The following HDAC9 variants were observed in gnomAD, a reference collection of about 807,000 sequenced individuals.
HDAC9 encodes MEF-2 interacting transcription repressor (MITR) protein.
HDAC9 carries 41 observed loss-of-function variants against 139.4 expected under a neutral mutation model. The ratio of observed to expected loss-of-function variants is 0.29; its 90% CI spans 0.23 to 0.38. The LOEUF (loss-of-function observed/expected upper bound fraction) is 0.38. Ranked by LOEUF, HDAC9 falls within the 10% of genes least tolerant of loss-of-function variation. HDAC9 has a pLI of 1.00. For synonymous variants in HDAC9, 517 were observed against 476.2 expected, an observed-to-expected ratio of 1.09 and a Z score of -1.12; for missense variants, 1,147 against 1,297.0, an observed-to-expected ratio of 0.88 and a Z score of 1.78.
intron 21 of HDAC9, among the ~76,000 whole-genome samples, chr7:18,874,234 G>GTT (rs35536284): frequency 1.6e-3 from 230 of 143,546 alleles, no homozygotes; most frequent in Admixed American, 1.3e-3. Context: ...CTGCAAAGCA[G>GTT]TTTTTTTTTT....
rs530256730 is a variant in HDAC9 at position 18,276,466 on chromosome 7, A to G, written c.25+114117A>G. Among the ~76,000 whole-genome samples the G allele has an allele frequency of 1.6e-3, 247 of 152,280 alleles. 3 individuals are homozygous for G. The highest frequency in any genetic ancestry group is 5.8e-3 in the African/African-American group (240 of 41,546). ...GTGTCAGCTTCTTGATATTATTTTAACACATCTTTCTGTAATTGTTTTTTA... is the reference window on the plus strand; with the variant it reads ...GTGTCAGCTTCTTGATATTATTTTAGCACATCTTTCTGTAATTGTTTTTTA... On this transcript the variant is annotated intron_variant, in intron 2 of 12. Coordinates refer to the HDAC9 transcript ENST00000417496.
At chr7:18,887,888 T>A (rs1380345537) in intron 22 of HDAC9, among the ~76,000 whole-genome samples, 6 of 152,178 alleles carry the variant, frequency 3.9e-5, no homozygotes, top group Non-Finnish European at 8.8e-5. Context: ...CCAAGATTTG[T>A]GGCCACAGAG....
intron 1 of HDAC9, among the ~76,000 whole-genome samples, chr7:18,318,401 AAATGG>A (rs2128632639): frequency 6.6e-6 from 1 of 152,364 alleles, no homozygotes; most frequent in South Asian, 2.1e-4. Flanking sequence ...TTTCAATAAC[AAATGG>A]AATGCAGATG....
intron 1 of HDAC9, among the ~76,000 whole-genome samples, chr7:18,471,603 G>A (rs1397812972): frequency 6.6e-6 from 1 of 152,172 alleles, no homozygotes; most frequent in Non-Finnish European, 1.5e-5. Context: ...AGTATCAGGG[G>A]CCTGCTGAAC....
intron 6 of HDAC9, among the ~76,000 whole-genome samples, chr7:18,618,314 T>C (rs562860481): frequency 3.3e-5 from 5 of 152,250 alleles, no homozygotes; most frequent in African/African-American, 4.8e-5. Context: ...TCAGATGTTA[T>C]GGTGGTAGAG....
intron 2 of HDAC9, among the ~76,000 whole-genome samples, chr7:18,518,469 A>G (rs1803934666): frequency 6.6e-6 from 1 of 152,200 alleles, no homozygotes; most frequent in Non-Finnish European, 1.5e-5. Flanking sequence ...AATTTTAGAA[A>G]GAGTGATAAC....
rs554583190 is a variant in HDAC9, at chr7:18,497,475, A to T, written c.22+1151A>T. Among the ~76,000 whole-genome samples, 6 of 152,256 alleles carry T rather than the reference A, an allele frequency of 3.9e-5. No individual in the cohort carries two copies. The South Asian group carries it at 1.0e-3, about 26-fold the overall frequency. On this transcript the variant is annotated intron_variant, in intron 2 of 25. Coordinates refer to ENST00000686413, the MANE Select transcript of HDAC9 (RefSeq NM_178425.4). ...CTTGGTTAGTTATGTTAATTTTAAG[A>T]TCCTTCTGTTGACCCAATCTTTTCA...
At chr7:18,573,904 TCC>T (rs1825129234) in intron 2 of HDAC9, among the ~76,000 whole-genome samples, 1 of 152,128 alleles carries the variant, frequency 6.6e-6, no homozygotes, top group Non-Finnish European at 1.5e-5. Flanking sequence ...ACAGCTCTTC[TCC>T]CCTTCTCATC....
At chr7:18,782,494 A>C (rs1397731844) in intron 16 of HDAC9, among the ~76,000 whole-genome samples, 2 of 152,014 alleles carry the variant, frequency 1.3e-5, no homozygotes, top group African/African-American at 4.8e-5. Flanking sequence ...TTCAGATTCC[A>C]ATGATTGAGC....
At chr7:18,214,329 A>C (rs2128170658) in intron 2 of HDAC9, among the ~76,000 whole-genome samples, 1 of 152,182 alleles carries the variant, frequency 6.6e-6, no homozygotes, top group African/African-American at 2.4e-5. Flanking sequence ...AGCTATGAAA[A>C]TTGGCATTTG....
chr7:18,818,874 T>C (rs2129197192), intron 17 of HDAC9, among the ~76,000 whole-genome samples: 1 of 152,302 alleles, frequency 6.6e-6, no homozygotes, highest in Non-Finnish European at 1.5e-5. Flanking sequence ...CTGTTGCCCA[T>C]GGGACAATCT....
At chr7:18,284,471 C>G (rs113849796) in intron 2 of HDAC9, among the ~76,000 whole-genome samples, 2 of 152,210 alleles carry the variant, frequency 1.3e-5, no homozygotes, top group South Asian at 2.1e-4. Flanking sequence ...ATTTCATCTT[C>G]CACCAAAGTA....
intron 2 of HDAC9, among the ~76,000 whole-genome samples, chr7:18,545,447 C>T (rs904341355): frequency 1.3e-5 from 2 of 151,872 alleles, no homozygotes; most frequent in Admixed American, 6.6e-5. Context: ...GTTTTTAGGA[C>T]GTAAATAGTT....
intron 1 of HDAC9, among the ~76,000 whole-genome samples, chr7:18,132,133 C>T (rs1366744979): frequency 2.0e-5 from 3 of 152,090 alleles, no homozygotes. Context: ...CCTCCCTTTG[C>T]TCCCAAGTCA....
At chr7:18,689,907 T>C (rs796680026) in intron 12 of HDAC9, among the ~76,000 whole-genome samples, 10 of 152,142 alleles carry the variant, frequency 6.6e-5, no homozygotes, top group African/African-American at 2.4e-4. Context: ...CTTGCATATA[T>C]CTATAAGTCA....
chr7:18,673,892 A>G (rs706087), intron 12 of HDAC9, among the ~76,000 whole-genome samples: 44,312 of 151,942 alleles, frequency 0.29, 7,458 homozygotes, highest in East Asian at 0.52. Context: ...TACCTTAAAG[A>G]CAACCGAAAG....
chr7:18,766,256 C>T (rs1789821620), intron 15 of HDAC9, among the ~76,000 whole-genome samples: 1 of 152,150 alleles, frequency 6.6e-6, no homozygotes, highest in Admixed American at 6.5e-5. Context: ...TGCCCTTCCC[C>T]ATGATTACTC....
At chr7:18,216,705 A>G (rs941486243) in intron 2 of HDAC9, among the ~76,000 whole-genome samples, 1 of 152,114 alleles carries the variant, frequency 6.6e-6, no homozygotes, top group African/African-American at 2.4e-5. Flanking sequence ...GACATGTTTT[A>G]TTATTATTTA....
chr7:18,788,653 G>T (rs1792027095), intron 16 of HDAC9, among the ~76,000 whole-genome samples: 1 of 151,772 alleles, frequency 6.6e-6, no homozygotes, highest in Admixed American at 6.6e-5. Flanking sequence ...TACTTGGGAG[G>T]CTGAGGCGGA....
Sources: allele counts gnomAD v4.1 joint callset (sites outside exome capture counted in the v4.1 genomes callset), GRCh38; gene constraint gnomAD v4.1.1; transcripts MANE v1.5; gene names NCBI Gene and HGNC (gene_info 2026-07-23, HGNC 2026-07-21).